Variants in FAM120A observed in about 807,000 individuals in gnomAD.
FAM120A encodes the protein constitutive coactivator of PPAR-gamma-like protein 1.
A neutral mutation model predicts 109.7 loss-of-function variants in FAM120A; 15 were observed. The observed-to-expected ratio is 0.14, with a 90% CI of 0.09 to 0.21. The LOEUF is 0.21. FAM120A is among the 10% of genes least tolerant of loss of function. The pLI is 1.00. For synonymous variants in FAM120A, 493 were observed against 572.8 expected (o/e 0.86, Z 1.99); for missense variants, 899 against 1,439.3 (o/e 0.62, Z 6.07).
chr9:93,466,968 A>T (rs1356960414), intron 1 of FAM120A, among the ~76,000 whole-genome samples: 3 of 152,188 alleles, frequency 2.0e-5, no homozygotes, highest in Non-Finnish European at 4.4e-5. Flanking sequence ...CCAGGTACTC[A>T]GGCAGTTCCT....
chr9:93,478,901 G>T (rs1588810018), intron 3 of FAM120A, among the ~76,000 whole-genome samples: 2 of 152,224 alleles, frequency 1.3e-5, no homozygotes, highest in South Asian at 4.1e-4. Flanking sequence ...ATGTGCTACA[G>T]AATTGTATGT....
At chr9:93,517,104 C>T (rs1216251120) in intron 7 of FAM120A, among the ~76,000 whole-genome samples, 1 of 152,096 alleles carries the variant, frequency 6.6e-6, no homozygotes, top group South Asian at 2.1e-4. Flanking sequence ...AGCAGGTGAT[C>T]TTTTCCTCTC....
chr9:93,509,455 A>T (rs140538641), intron 5 of FAM120A, among the ~76,000 whole-genome samples: 15 of 152,362 alleles, frequency 9.8e-5, no homozygotes, highest in African/African-American at 3.4e-4. Flanking sequence ...GTACTCTGCA[A>T]TGTGGAGGTG....
At chr9:93,494,985 C>T (rs1212142658) in intron 3 of FAM120A, among the ~76,000 whole-genome samples, 1 of 152,184 alleles carries the variant, frequency 6.6e-6, no homozygotes, top group Non-Finnish European at 1.5e-5. Flanking sequence ...TGAAGGCCAC[C>T]ACAGCAGTGC....
intron 5 of FAM120A, among the ~76,000 whole-genome samples, chr9:93,513,648 G>T (rs1467050327): frequency 2.0e-5 from 3 of 152,152 alleles, no homozygotes; most frequent in African/African-American, 7.2e-5. Flanking sequence ...TTTAAAGCTT[G>T]CGAGCTGAAG....
At chr9:93,496,857 A>G (rs1162974936) in intron 3 of FAM120A, among the ~76,000 whole-genome samples, 1 of 152,198 alleles carries the variant, frequency 6.6e-6, no homozygotes, top group Non-Finnish European at 1.5e-5. Flanking sequence ...TTTTTGGCTA[A>G]TGAGATGTTC....
chr9:93,564,805 A>G lies in FAM120A; in HGVS notation c.*265A>G, dbSNP rs1433042019. 5.4e-6 allele frequency: 2 copies of G among 368,354 alleles called. No individual in the cohort carries two copies. The highest frequency in any genetic ancestry group is 4.9e-6 in the Non-Finnish European group (1 of 205,144). 22.8% of individuals were successfully genotyped at this position (368,354 alleles called of 1,614,324 possible). ...CTCCCGCACTTAAAATGAAGTACAC[A>G]TAAAGTTTAAACTGGTTATGACAAA... On this transcript the variant is annotated 3_prime_UTR_variant, in exon 18 of 18. Coordinates refer to ENST00000277165, the MANE Select transcript of FAM120A (RefSeq NM_014612.5).
Position 93,498,308 on chromosome 9 carries a change from G to A in FAM120A, c.934-482G>A, listed in dbSNP as rs778718039. On this transcript the variant is annotated intron_variant, in intron 4 of 17. Transcript: ENST00000277165. The surrounding 1 kb of genome is among the most constrained non-coding windows in gnomAD (Gnocchi z 4.4). ...CTCGGGATGCTGAGGCAGGAGAATC[G>A]CTTGAAACCGTAAGGCAGAGGCTGC... 6.6e-6 allele frequency among the ~76,000 whole-genome samples: 1 copy of A among 152,198 alleles called. No homozygotes were observed. Among genetic ancestry groups the A allele is most frequent in the Admixed American group, 6.5e-5 (1 of 15,284 alleles).
At chr9:93,480,045 C>A (rs1240052808) in intron 3 of FAM120A, among the ~76,000 whole-genome samples, 9 of 152,110 alleles carry the variant, frequency 5.9e-5, no homozygotes, top group African/African-American at 1.9e-4. Flanking sequence ...GTGCTTATTA[C>A]TAGATTATGA....
chr9:93,557,313 A>G (rs1339043206), intron 13 of FAM120A, among the ~76,000 whole-genome samples: 2 of 151,906 alleles, frequency 1.3e-5, no homozygotes, highest in African/African-American at 4.8e-5. Context: ...TATTTTTAGT[A>G]GAGACGGTGT....
intron 3 of FAM120A, among the ~76,000 whole-genome samples, chr9:93,489,149 G>T (rs1469590691): frequency 6.6e-6 from 1 of 152,068 alleles, no homozygotes; most frequent in East Asian, 1.9e-4. Context: ...AAAAAAAGGC[G>T]CAATTTTGAA....
chr9:93,457,307 G>A lies in FAM120A; in HGVS notation c.474+4918G>A, dbSNP rs1248322902. Among the ~76,000 whole-genome samples the A allele has an allele frequency of 2.0e-5, 3 of 151,944 alleles. No individual in the cohort carries two copies. The East Asian group carries it at 5.8e-4, about 29-fold the overall frequency. On this transcript the variant is annotated intron_variant, in intron 1 of 17. Coordinates refer to ENST00000277165, the MANE Select transcript of FAM120A (RefSeq NM_014612.5). Reference sequence around the variant, plus strand: ...TGGTAATTCTGTTTTTCTTTTTAAGGAATGGCCATATATTTTCCACAGTGG... The same window carrying A: ...TGGTAATTCTGTTTTTCTTTTTAAGAAATGGCCATATATTTTCCACAGTGG...
At chr9:93,540,048 T>G (rs1055571219) in intron 10 of FAM120A, among the ~76,000 whole-genome samples, 1 of 152,218 alleles carries the variant, frequency 6.6e-6, no homozygotes, top group Non-Finnish European at 1.5e-5. Flanking sequence ...GCTAGGTGCT[T>G]TTCATGTTTA....
At chr9:93,480,961 G>A (rs939642505) in intron 3 of FAM120A, among the ~76,000 whole-genome samples, 1 of 152,216 alleles carries the variant, frequency 6.6e-6, no homozygotes, top group African/African-American at 2.4e-5. Context: ...CAGGCAGCCT[G>A]GTACCCAGAG....
At chr9:93,481,037 C>T (rs1337803214) in intron 3 of FAM120A, among the ~76,000 whole-genome samples, 2 of 152,200 alleles carry the variant, frequency 1.3e-5, no homozygotes, top group Admixed American at 6.5e-5. Context: ...AGGTGGTGCC[C>T]CCATGCCTGC....
chr9:93,508,926 G>T (rs1860191055), intron 5 of FAM120A, among the ~76,000 whole-genome samples: 1 of 152,216 alleles, frequency 6.6e-6, no homozygotes, highest in Admixed American at 6.5e-5. Context: ...CCACTCGGAA[G>T]TTGGAAAGAC....
intron 11 of FAM120A, among the ~76,000 whole-genome samples, chr9:93,545,076 A>G (rs1408462969): frequency 6.6e-6 from 1 of 152,080 alleles, no homozygotes; most frequent in Non-Finnish European, 1.5e-5. Flanking sequence ...GGCCTTCGTC[A>G]TCTTCTCTGA....
intron 1 of FAM120A, among the ~76,000 whole-genome samples, chr9:93,465,059 C>T (rs1857957314): frequency 6.6e-6 from 1 of 152,166 alleles, no homozygotes; most frequent in South Asian, 2.1e-4. Flanking sequence ...GAAGGGAAAA[C>T]AGGAAGGAGC....
intron 5 of FAM120A, among the ~76,000 whole-genome samples, chr9:93,515,367 A>G (rs1860522783): frequency 1.3e-5 from 2 of 152,260 alleles, no homozygotes; most frequent in African/African-American, 4.8e-5. Flanking sequence ...TTGCAGGCAG[A>G]GGGACAGCCG....
Sources: allele counts gnomAD v4.1 joint callset (sites outside exome capture counted in the v4.1 genomes callset), GRCh38; gene constraint gnomAD v4.1.1; non-coding constraint Gnocchi (gnomAD v3.1); transcripts MANE v1.5; gene names NCBI Gene and HGNC (gene_info 2026-07-23, HGNC 2026-07-21).